Variants in PCSK5 observed in about 807,000 individuals in gnomAD.
PCSK5 encodes the protein proprotein convertase subtilisin/kexin type 5, also known as prohormone convertase 5.
Under a neutral mutation model 233.2 loss-of-function variants are expected in PCSK5, and 129 were observed. The ratio of observed to expected loss-of-function variants is 0.55; its 90% CI spans 0.48 to 0.64. The LOEUF is 0.64. PCSK5 is among the 30% of genes least tolerant of loss of function. PCSK5 has a pLI of 0.00. For synonymous variants in PCSK5, 825 were observed against 879.2 expected, an observed-to-expected ratio of 0.94 and a Z score of 1.09; for missense variants, 2,076 against 2,430.1, an observed-to-expected ratio of 0.85 and a Z score of 3.06.
At chr9:76,113,051 T>C (rs947695031) in intron 9 of PCSK5, among the ~76,000 whole-genome samples, 8 of 152,180 alleles carry the variant, frequency 5.3e-5, no homozygotes, top group African/African-American at 1.9e-4. Context: ...ATTGCTCAAT[T>C]AGTTACTTTT....
At chr9:75,978,975 C>T (rs540199959) in intron 2 of PCSK5, among the ~76,000 whole-genome samples, 33 of 148,436 alleles carry the variant, frequency 2.2e-4, no homozygotes, top group African/African-American at 6.6e-4. Flanking sequence ...CGGGTTCAAG[C>T]GATTCCTCTA....
chr9:76,354,082 A>G lies in PCSK5; in HGVS notation c.5117A>G (p.Lys1706Arg). 1.2e-6 allele frequency: 2 copies of G among 1,609,516 alleles called. No homozygotes were observed. Among genetic ancestry groups the G allele is most frequent in the Non-Finnish European group, 1.7e-6 (2 of 1,178,486 alleles). The part of the protein sequence containing the change: ...EKCHESCMEC[K>R]GPGAKNCTLC... ...TGCCACGAGAGCTGCATGGAATGCAAGGGACCAGGGGCCAAGAACTGCACC... is the reference window on the plus strand; with the variant it reads ...TGCCACGAGAGCTGCATGGAATGCAGGGGACCAGGGGCCAAGAACTGCACC... The change falls in exon 37 of 38, where the codon AAG becomes AGG. Residue 1706 changes from lysine (K) to arginine (R), a missense_variant. Around this residue, in one of 6 missense-constraint regions of PCSK5, gnomAD observed 1,510 missense variants for 1,538.1 expected, o/e 0.98. Coordinates refer to ENST00000674117, the MANE Select transcript of PCSK5 (RefSeq NM_001372043.1).
intron 4 of PCSK5, among the ~76,000 whole-genome samples, chr9:76,025,371 C>T (rs1204968299): frequency 6.6e-6 from 1 of 150,680 alleles, no homozygotes; most frequent in Non-Finnish European, 1.5e-5. Flanking sequence ...ACAGCAAGAC[C>T]TCATCTCTAA....
At chr9:76,230,235 C>T (rs1371274942) in intron 21 of PCSK5, among the ~76,000 whole-genome samples, 1 of 152,030 alleles carries the variant, frequency 6.6e-6, no homozygotes, top group Non-Finnish European at 1.5e-5. Flanking sequence ...AACTGTCTTC[C>T]CTATCTTTCT....
chr9:76,309,568 C>A (rs1828802570), intron 29 of PCSK5, among the ~76,000 whole-genome samples: 1 of 152,056 alleles, frequency 6.6e-6, no homozygotes, highest in Admixed American at 6.6e-5. Flanking sequence ...TTGGCACATG[C>A]CTGTAATCCC....
At chr9:76,101,156 A>G (rs1415257269) in intron 8 of PCSK5, among the ~76,000 whole-genome samples, 2 of 152,276 alleles carry the variant, frequency 1.3e-5, no homozygotes, top group African/African-American at 4.8e-5. Context: ...AATGGAAACT[A>G]CTTGAGGATG....
In PCSK5 at chr9:76,127,273, T is replaced by C. The variant is rs191051937; in HGVS notation, c.1209-6836T>C. On this transcript the variant is annotated intron_variant, in intron 9 of 37. Transcript: ENST00000674117. ...GAAAAGTATCAAAAGCACTTCAGTC[T>C]GGCAATTTGGCTAGGCAAATAAGTA... is the stretch of plus-strand genomic sequence containing the variant. Among the ~76,000 whole-genome samples the C allele has an allele frequency of 9.2e-5, 14 of 152,340 alleles. No individual in the cohort carries two copies. In the East Asian group the frequency reaches 2.1e-3, roughly 23 times the overall value.
chr9:75,944,271 TC>T (rs1338159864), intron 2 of PCSK5, among the ~76,000 whole-genome samples: 1 of 151,682 alleles, frequency 6.6e-6, no homozygotes, highest in East Asian at 1.9e-4. Context: ...GAAGATGTGT[TC>T]CCGTTTATGT....
At chr9:76,289,513 AACAT>A (rs1828211969) in intron 24 of PCSK5, among the ~76,000 whole-genome samples, 1 of 75,796 alleles carries the variant, frequency 1.3e-5, no homozygotes, top group African/African-American at 6.2e-5. Context: ...ACACACACGC[AACAT>A]ACACACACAC....
At chr9:75,926,446 G>A (rs942311954) in intron 1 of PCSK5, among the ~76,000 whole-genome samples, 11 of 152,172 alleles carry the variant, frequency 7.2e-5, no homozygotes, top group African/African-American at 2.4e-4. Context: ...TCAACCTGCT[G>A]TCACTTAATA....
chr9:76,264,586 TA>T, intron 24 of PCSK5, among the ~76,000 whole-genome samples: 1 of 151,808 alleles, frequency 6.6e-6, no homozygotes, highest in Non-Finnish European at 1.5e-5. Context: ...TAAAAAACCT[TA>T]AAAAATGAGC....
At chr9:76,260,968 C>T (rs1827154585) in intron 24 of PCSK5, among the ~76,000 whole-genome samples, 1 of 152,086 alleles carries the variant, frequency 6.6e-6, no homozygotes, top group African/African-American at 2.4e-5. Flanking sequence ...CCTCTTCCTG[C>T]CTTGATGCTG....
At chr9:75,972,468 G>A (rs1825850332) in intron 2 of PCSK5, among the ~76,000 whole-genome samples, 1 of 152,126 alleles carries the variant, frequency 6.6e-6, no homozygotes, top group Admixed American at 6.5e-5. Context: ...ATTACTCTGG[G>A]CAGTATGACC....
intron 5 of PCSK5, among the ~76,000 whole-genome samples, chr9:76,036,846 G>A (rs1000217190): frequency 6.6e-6 from 1 of 152,218 alleles, no homozygotes; most frequent in Non-Finnish European, 1.5e-5. Context: ...ATCAATTCTT[G>A]TGCGGAGCAC....
intron 13 of PCSK5, among the ~76,000 whole-genome samples, chr9:76,173,496 CTTTTTTTTTTTTTTT>C (rs59248860): frequency 0.019 from 1,173 of 61,010 alleles, 11 homozygotes; most frequent in South Asian, 0.045. Context: ...GGCACGTTTC[CTTTTTTTTTTTTTTT>C]TTTTTTTTTT....
At chr9:76,150,615 A>G (rs1823632802) in intron 10 of PCSK5, among the ~76,000 whole-genome samples, 1 of 152,198 alleles carries the variant, frequency 6.6e-6, no homozygotes, top group South Asian at 2.1e-4. Context: ...CCTGGGCAAC[A>G]AGAGTGAAAC....
intron 4 of PCSK5, among the ~76,000 whole-genome samples, chr9:76,026,589 T>C (rs2131494584): frequency 6.6e-6 from 1 of 152,222 alleles, no homozygotes; most frequent in African/African-American, 2.4e-5. Context: ...AATAAATCAC[T>C]TTGTGCCTAG....
intron 5 of PCSK5, among the ~76,000 whole-genome samples, chr9:76,050,217 A>C (rs536462925): frequency 6.6e-6 from 1 of 152,174 alleles, no homozygotes; most frequent in African/African-American, 2.4e-5. Flanking sequence ...TATTCATAAA[A>C]TTAGATTTTA....
At chr9:76,247,498 CTGAT>C (rs1826653332) in intron 24 of PCSK5, among the ~76,000 whole-genome samples, 1 of 152,090 alleles carries the variant, frequency 6.6e-6, no homozygotes, top group African/African-American at 2.4e-5. Flanking sequence ...AGTGAGCTCT[CTGAT>C]TGGTCCGGTG....
Sources: allele counts gnomAD v4.1 joint callset (sites outside exome capture counted in the v4.1 genomes callset), GRCh38; gene constraint gnomAD v4.1.1; regional missense constraint gnomAD v4.1.1; transcripts MANE v1.5; gene names NCBI Gene and HGNC (gene_info 2026-07-23, HGNC 2026-07-21).